The following GLS variants were observed in gnomAD, a reference collection of about 807,000 sequenced individuals.
The protein encoded by GLS is glutaminase.
A neutral mutation model predicts 86.7 loss-of-function variants in GLS; 36 were observed. The ratio of observed to expected loss-of-function variants is 0.42; its 90% CI spans 0.32 to 0.55. The LOEUF (loss-of-function observed/expected upper bound fraction) is 0.55. Ranked by LOEUF, GLS falls within the 20% of genes least tolerant of loss-of-function variation. The pLI is 0.17. For missense variants in GLS, 528 were observed against 833.4 expected (o/e 0.63, Z 4.51); for synonymous variants, 317 against 305.9 (o/e 1.04, Z -0.38).
chr2:190,951,839 A>G lies in GLS; in HGVS notation c.1651-1726A>G, dbSNP rs1018597783. Among the ~76,000 whole-genome samples, 6 of 152,234 alleles carry G rather than the reference A, an allele frequency of 3.9e-5. No individual in the cohort carries two copies. The highest frequency in any genetic ancestry group is 1.4e-4 in the African/African-American group (6 of 41,464). ...CAGAGTTGACCCCATTAAAAAAGAA[A>G]GACATTAAGGACACCTGAAACAGTG... On this transcript the variant is annotated intron_variant, in intron 14 of 17. Transcript: ENST00000320717. This position sits in a 1 kb window ranked among gnomAD's most constrained non-coding sequence, Gnocchi z 4.2.
In GLS at chr2:190,921,105, T is replaced by A; in HGVS notation, c.1072-40T>A. On this transcript the variant is annotated intron_variant, in intron 8 of 17. Transcript: ENST00000320717. The surrounding 1 kb of genome is among the most constrained non-coding windows in gnomAD (Gnocchi z 4.2). The stretch of plus-strand genomic sequence containing the variant: ...TTTCATGCCACATTCTCTATATATT[T>A]GTTTTTTGATTACTAATATTCCCTA... 1 of 1,576,010 alleles carries A rather than the reference T, an allele frequency of 6.3e-7. No individual in the cohort carries two copies. Among genetic ancestry groups the A allele is most frequent in the Non-Finnish European group, 8.7e-7 (1 of 1,145,940 alleles).
chr2:190,928,337 CTTTT>C (rs765860136), intron 12 of GLS, among the ~76,000 whole-genome samples: 3 of 140,070 alleles, frequency 2.1e-5, no homozygotes, highest in East Asian at 2.1e-4. Context: ...ATTATTATTT[CTTTT>C]TTTTTTTTTT....
At position 190,881,361 on chromosome 2, in the gene GLS, G is replaced by C. The variant is rs1464127493; in HGVS notation, c.277G>C (p.Gly93Arg). The part of the protein sequence containing the change: ...LGKGSTHPQP[G>R]VSPPAAPAAP... ...CAAGGGGAGCACGCATCCGCAGCCCGGGGTGTCGCCACCCGCTGCCCCGGC... is the reference window on the plus strand; with the variant it reads ...CAAGGGGAGCACGCATCCGCAGCCCCGGGTGTCGCCACCCGCTGCCCCGGC... The change falls in exon 1 of 18, where the codon GGG becomes CGG. Residue 93 changes from glycine (G) to arginine (R), a missense_variant. By Grantham distance (125) the Gly-to-Arg change is moderately radical. Coordinates refer to ENST00000320717, the MANE Select transcript of GLS (RefSeq NM_014905.5). 6.5e-7 allele frequency: 1 copy of C among 1,538,706 alleles called. No homozygotes were observed. Among genetic ancestry groups the C allele is most frequent in the Non-Finnish European group, 8.8e-7 (1 of 1,142,322 alleles).
At chr2:190,960,359 A>ATTTTTTTT (rs770419477) in intron 17 of GLS, among the ~76,000 whole-genome samples, 2 of 101,480 alleles carry the variant, frequency 2.0e-5, no homozygotes, top group African/African-American at 3.9e-5. Context: ...TTAAGCTTCA[A>ATTTTTTTT]TTTTTTTTTT....
At chr2:190,883,303 A>G (rs1025115503) in intron 1 of GLS, among the ~76,000 whole-genome samples, 1 of 152,050 alleles carries the variant, frequency 6.6e-6, no homozygotes, top group Admixed American at 6.5e-5. Flanking sequence ...GGCTCCTTTC[A>G]TTTTGCCTTT....
At chr2:190,887,221 A>G (rs1296171921) in intron 1 of GLS, among the ~76,000 whole-genome samples, 1 of 152,222 alleles carries the variant, frequency 6.6e-6, no homozygotes, top group Non-Finnish European at 1.5e-5. Context: ...TAGCTTTCAC[A>G]TAGAGATACT....
intron 14 of GLS, among the ~76,000 whole-genome samples, chr2:190,939,631 G>A (rs1458158293): frequency 1.3e-5 from 2 of 151,450 alleles, no homozygotes; most frequent in East Asian, 1.9e-4. Context: ...ATAAATTTTT[G>A]TTATTTTATA....
chr2:190,950,625 T>G (rs558628392), intron 14 of GLS, among the ~76,000 whole-genome samples: 1 of 152,292 alleles, frequency 6.6e-6, no homozygotes, highest in Non-Finnish European at 1.5e-5. Context: ...GAAGCTCCCT[T>G]CCTCCCAGCA....
At chr2:190,950,326 C>T (rs59739967) in intron 14 of GLS, among the ~76,000 whole-genome samples, 17,524 of 152,114 alleles carry the variant, frequency 0.12, 1,388 homozygotes, top group Admixed American at 0.27. Flanking sequence ...GATGGAAAGG[C>T]ACGGGAGTTC....
chr2:190,907,489 C>T (rs1689196797), intron 6 of GLS, among the ~76,000 whole-genome samples: 2 of 152,118 alleles, frequency 1.3e-5, no homozygotes, highest in African/African-American at 4.8e-5. Flanking sequence ...CTCCCAACCT[C>T]AGGTGATCTG....
In GLS at chr2:190,931,702, C is replaced by T. The variant is rs1574606345; in HGVS notation, c.1650+65C>T. 6 of 729,856 alleles carry T rather than the reference C, an allele frequency of 8.2e-6. No homozygotes were observed. In the East Asian group the frequency reaches 1.6e-4, roughly 20 times the overall value. The allele number at this position is 729,856 out of a possible 1,614,324, so 45.2% of individuals were successfully genotyped here. On this transcript the variant is annotated intron_variant, in intron 14 of 17. Coordinates refer to ENST00000320717, the MANE Select transcript of GLS (RefSeq NM_014905.5). ...TAAGAAGAGAAAAAGTGAGATTTGCCTGTATAAATAAAATCTTAGTTTGTT... is the reference window on the plus strand; with the variant it reads ...TAAGAAGAGAAAAAGTGAGATTTGCTTGTATAAATAAAATCTTAGTTTGTT...
intron 14 of GLS, chr2:190,932,842 A>T (rs371056942): frequency 7.8e-6 from 12 of 1,539,992 alleles, no homozygotes; most frequent in Non-Finnish European, 1.0e-5. Context: ...TAGAATGGAA[A>T]GTCTGGGAGA....
chr2:190,947,153 A>T lies in GLS; in HGVS notation c.1651-6412A>T, dbSNP rs1690596137. 6.6e-6 allele frequency among the ~76,000 whole-genome samples: 1 copy of T among 152,250 alleles called. No homozygotes were observed. The highest frequency in any genetic ancestry group is 1.5e-5 in the Non-Finnish European group (1 of 68,050). On this transcript the variant is annotated intron_variant, in intron 14 of 17. Transcript: ENST00000320717. This position sits in a 1 kb window ranked among gnomAD's most constrained non-coding sequence, Gnocchi z 5.0. Reference sequence around the variant, plus strand: ...AGTACAGAATTATTAGGGCATTTACAGAAGTCACACAACTCAACCTTTAAA... The same window carrying T: ...AGTACAGAATTATTAGGGCATTTACTGAAGTCACACAACTCAACCTTTAAA...
rs754746100 is a variant in GLS, at chr2:190,963,160, T to C, written c.*174T>C. The C allele has an allele frequency of 2.1e-5, 10 of 479,390 alleles. No homozygotes were observed. Among genetic ancestry groups the C allele is most frequent in the Middle Eastern group, 5.4e-4 (1 of 1,840 alleles). The allele number at this position is 479,390 out of a possible 1,614,324, so 29.7% of individuals were successfully genotyped here. ...CAAATCTGATCTCTTTGGGAAAAAA[T>C]AGAAATAAAACAATCTCCCTCCATA... On this transcript the variant is annotated 3_prime_UTR_variant, in exon 18 of 18. Transcript: ENST00000320717.
At chr2:190,928,337 C>CTT (rs765860136) in intron 12 of GLS, among the ~76,000 whole-genome samples, 3 of 140,052 alleles carry the variant, frequency 2.1e-5, no homozygotes, top group Non-Finnish European at 3.1e-5. Context: ...ATTATTATTT[C>CTT]TTTTTTTTTT....
intron 14 of GLS, among the ~76,000 whole-genome samples, chr2:190,937,569 A>G (rs1435700033): frequency 3.3e-5 from 5 of 151,454 alleles, no homozygotes; most frequent in Non-Finnish European, 7.4e-5. Flanking sequence ...TTCTGTTACT[A>G]TGGTCTTAAA....
chr2:190,913,742 T>G lies in GLS; in HGVS notation c.1038+3421T>G. 1 of 977,822 alleles carries G rather than the reference T, an allele frequency of 1.0e-6. No homozygotes were observed. Among genetic ancestry groups the G allele is most frequent in the Non-Finnish European group, 1.2e-6 (1 of 823,060 alleles). The allele number at this position is 977,822 out of a possible 1,614,324, so 60.6% of individuals were successfully genotyped here. On this transcript the variant is annotated intron_variant, in intron 7 of 17. Transcript: ENST00000320717. This position sits in a 1 kb window ranked among gnomAD's most constrained non-coding sequence, Gnocchi z 6.1. ...AAAATAATTGCCACACTTAATGCTTTTTCATGTTAGAAATAGTAAAAGTTA... is the reference window on the plus strand; with the variant it reads ...AAAATAATTGCCACACTTAATGCTTGTTCATGTTAGAAATAGTAAAAGTTA...
intron 6 of GLS, among the ~76,000 whole-genome samples, chr2:190,907,918 G>C (rs1689216166): frequency 6.6e-6 from 1 of 152,212 alleles, no homozygotes; most frequent in African/African-American, 2.4e-5. Flanking sequence ...GTAATTGACA[G>C]GTGCCAAAAT....
At position 190,953,950 on chromosome 2, in the gene GLS, A is replaced by ATGTGTGTGTGTGTGTGTG. The variant is rs57991546; in HGVS notation, c.1712+353_1712+370dup. Among the ~76,000 whole-genome samples, 2 of 136,684 alleles carry ATGTGTGTGTGTGTGTGTG rather than the reference A, an allele frequency of 1.5e-5. No homozygotes were observed. Among genetic ancestry groups the ATGTGTGTGTGTGTGTGTG allele is most frequent in the East Asian group, 2.2e-4 (1 of 4,504 alleles). 89.7% of individuals were successfully genotyped at this position (136,684 alleles called of 152,430 possible). A position where few individuals can be genotyped will look rare whatever the true frequency, so the allele number is the denominator to read the frequency against. ...CTACCCTCCATTCCCAATCTTTGAT[A>ATGTGTGTGTGTGTGTGTG]TGTGTGTGTGTGTGTGTGTGTGTGT... On this transcript the variant is annotated intron_variant, in intron 15 of 17. Coordinates refer to ENST00000320717, the MANE Select transcript of GLS (RefSeq NM_014905.5). This position sits in a 1 kb window ranked among gnomAD's most constrained non-coding sequence, Gnocchi z 4.0.
Sources: allele counts gnomAD v4.1 joint callset (sites outside exome capture counted in the v4.1 genomes callset), GRCh38; gene constraint gnomAD v4.1.1; non-coding constraint Gnocchi (gnomAD v3.1); transcripts MANE v1.5; gene names NCBI Gene and HGNC (gene_info 2026-07-23, HGNC 2026-07-21).